The following PTPRT variants were observed in gnomAD, a reference collection of about 807,000 sequenced individuals.
PTPRT encodes protein tyrosine phosphatase receptor type T, also known as receptor-type tyrosine-protein phosphatase T.
PTPRT carries 56 observed loss-of-function variants against 176.8 expected under a neutral mutation model. The observed-to-expected ratio is 0.32, with a 90% confidence interval of 0.26 to 0.40. The LOEUF (loss-of-function observed/expected upper bound fraction) is 0.40, where lower values mean the gene tolerates loss of function less well. Among genes scored for constraint, PTPRT ranks in the 10% least tolerant of loss-of-function variants. PTPRT has a pLI of 1.00. For synonymous variants in PTPRT, 783 were observed against 739.0 expected (o/e 1.06, Z -0.96); for missense variants, 1,540 against 1,908.2 (o/e 0.81, Z 3.60).
At chr20:42,503,307 T>A (rs914468615) in intron 7 of PTPRT, among the ~76,000 whole-genome samples, 6 of 152,074 alleles carry the variant, frequency 3.9e-5, no homozygotes, top group Admixed American at 2.0e-4. Context: ...ACTGTAAGCA[T>A]GTTAAAGCTA....
intron 1 of PTPRT, among the ~76,000 whole-genome samples, chr20:43,149,109 C>A (rs868149178): frequency 6.6e-6 from 1 of 152,126 alleles, no homozygotes; most frequent in Non-Finnish European, 1.5e-5. Flanking sequence ...ACAAATAATA[C>A]ACATATTTGA....
chr20:42,628,236 G>T (rs1408246987), intron 7 of PTPRT, among the ~76,000 whole-genome samples: 2 of 152,146 alleles, frequency 1.3e-5, no homozygotes, highest in Non-Finnish European at 2.9e-5. Context: ...AAGGTAGGAT[G>T]GTTCTGATAC....
intron 8 of PTPRT, among the ~76,000 whole-genome samples, chr20:42,453,348 T>C (rs2070865041): frequency 6.6e-6 from 1 of 152,094 alleles, no homozygotes; most frequent in Admixed American, 6.5e-5. Context: ...GTTAAAAATG[T>C]TTTTCTTTTA....
chr20:43,072,939 G>A (rs537228180), intron 1 of PTPRT, among the ~76,000 whole-genome samples: 2 of 152,246 alleles, frequency 1.3e-5, no homozygotes, highest in Admixed American at 1.3e-4. Flanking sequence ...AACTGGTCCA[G>A]GTGTGGTCCT....
At chr20:42,745,828 C>T (rs1164237157) in intron 6 of PTPRT, among the ~76,000 whole-genome samples, 1 of 152,204 alleles carries the variant, frequency 6.6e-6, no homozygotes, top group Non-Finnish European at 1.5e-5. Flanking sequence ...GACTGTGTGA[C>T]TCTGATGAGA....
At chr20:42,586,998 G>C (rs1263489076) in intron 7 of PTPRT, among the ~76,000 whole-genome samples, 1 of 152,136 alleles carries the variant, frequency 6.6e-6, no homozygotes, top group Non-Finnish European at 1.5e-5. Context: ...AGCCACACTG[G>C]CTGGGTCCCT....
chr20:42,981,090 C>T (rs759619260), intron 1 of PTPRT, among the ~76,000 whole-genome samples: 69 of 152,170 alleles, frequency 4.5e-4, no homozygotes, highest in Non-Finnish European at 9.6e-4. Flanking sequence ...AAGAATTCCT[C>T]GTCCCTTTGT....
intron 6 of PTPRT, among the ~76,000 whole-genome samples, chr20:42,748,390 G>A (rs1543523): frequency 2.3e-4 from 35 of 152,244 alleles, no homozygotes; most frequent in Admixed American, 2.2e-3. Context: ...TGTGGAGAAC[G>A]TGAATGGAAA....
intron 7 of PTPRT, among the ~76,000 whole-genome samples, chr20:42,487,246 CT>C (rs1375009699): frequency 7.9e-5 from 12 of 152,304 alleles, no homozygotes; most frequent in Non-Finnish European, 1.5e-5. Context: ...AGAAGCCACC[CT>C]GGCATTTGCA....
chr20:42,908,148 C>G (rs1379061658), intron 1 of PTPRT, among the ~76,000 whole-genome samples: 1 of 152,090 alleles, frequency 6.6e-6, no homozygotes, highest in Non-Finnish European at 1.5e-5. Flanking sequence ...ACCGGGAAGG[C>G]AGCAAGAGAA....
chr20:42,954,586 T>C (rs544560892), intron 1 of PTPRT, among the ~76,000 whole-genome samples: 2 of 152,112 alleles, frequency 1.3e-5, no homozygotes, highest in South Asian at 4.1e-4. Context: ...ACATAGAAGA[T>C]GCTCAGTCAA....
Position 42,075,825 on chromosome 20 carries a change from G to A in PTPRT, c.*5054C>T, listed in dbSNP as rs1429089550. The A allele has an allele frequency of 9.8e-6, 2 of 204,528 alleles. No homozygotes were observed. Among genetic ancestry groups the A allele is most frequent in the Non-Finnish European group, 1.0e-5 (1 of 99,910 alleles). The allele number at this position is 204,528 out of a possible 1,614,324, so 12.7% of individuals were successfully genotyped here. A position where few individuals can be genotyped will look rare whatever the true frequency, so the allele number is the denominator to read the frequency against. On this transcript the variant is annotated 3_prime_UTR_variant, in exon 31 of 31. Transcript: ENST00000373187. The stretch of plus-strand genomic sequence containing the variant: ...GGAGTGGAGGATGAATAAACATGAT[G>A]GGTCAGAGGGAAATGCATCATCTTT...
At chr20:42,342,358 C>T (rs2058124592) in intron 11 of PTPRT, among the ~76,000 whole-genome samples, 1 of 152,102 alleles carries the variant, frequency 6.6e-6, no homozygotes. Flanking sequence ...TTAGGCATGG[C>T]TAAAAGTGGT....
At chr20:43,126,112 G>A (rs1036052436) in intron 1 of PTPRT, among the ~76,000 whole-genome samples, 14 of 152,330 alleles carry the variant, frequency 9.2e-5, no homozygotes, top group African/African-American at 3.1e-4. Context: ...CACTTTGGGA[G>A]GCTGTGAGGC....
chr20:42,791,639 C>G (rs1296460474), intron 2 of PTPRT, among the ~76,000 whole-genome samples, 173 bp from the exon 3 acceptor site: 1 of 152,202 alleles, frequency 6.6e-6, no homozygotes, highest in Non-Finnish European at 1.5e-5. Context: ...CCTGAGTATC[C>G]TCTTCTGTAA....
At chr20:42,111,699 T>C (rs546891479) in intron 22 of PTPRT, among the ~76,000 whole-genome samples, 1 of 152,344 alleles carries the variant, frequency 6.6e-6, no homozygotes, top group Non-Finnish European at 1.5e-5. Context: ...CTCCATTTGA[T>C]GGATCAGGAA....
Position 42,963,425 on chromosome 20 carries a change from TA to T in PTPRT, c.89-77494del, listed in dbSNP as rs943710798. On this transcript the variant is annotated intron_variant, in intron 1 of 30. Coordinates refer to ENST00000373187, the MANE Select transcript of PTPRT (RefSeq NM_007050.6). ...AATATATAAAAATAAAAATAAAAAA[TA>T]AAAAAATAAAAACAACCTAACCAAA... Among the ~76,000 whole-genome samples, 40 of 150,530 alleles carry T rather than the reference TA, an allele frequency of 2.7e-4. 1 individual carries two copies. The highest frequency in any genetic ancestry group is 1.7e-3 in the Admixed American group (26 of 15,124).
intron 1 of PTPRT, among the ~76,000 whole-genome samples, chr20:42,962,492 C>A (rs1982045344): frequency 6.6e-6 from 1 of 151,816 alleles, no homozygotes; most frequent in South Asian, 2.1e-4. Flanking sequence ...ATAAGCTACA[C>A]TGAATGTCCT....
At chr20:42,505,023 A>G (rs2071819547) in intron 7 of PTPRT, among the ~76,000 whole-genome samples, 1 of 152,086 alleles carries the variant, frequency 6.6e-6, no homozygotes, top group African/African-American at 2.4e-5. Context: ...ATACTATTTC[A>G]TGGAATTCAA....
Sources: allele counts gnomAD v4.1 joint callset (sites outside exome capture counted in the v4.1 genomes callset), GRCh38; gene constraint gnomAD v4.1.1; transcripts MANE v1.5; gene names NCBI Gene and HGNC (gene_info 2026-07-23, HGNC 2026-07-21).